The following ATG10 variants were observed in gnomAD, a reference collection of about 807,000 sequenced individuals.
The protein encoded by ATG10 is autophagy related 10, also known as ubiquitin-like-conjugating enzyme ATG10.
In ATG10, 30 loss-of-function variants were observed where a neutral mutation model predicts 32.1. The ratio of observed to expected loss-of-function variants is 0.94; its 90% CI spans 0.70 to 1.27. The LOEUF is 1.27. Ranked by LOEUF, ATG10 falls within the 50% of genes most tolerant of loss-of-function variation. ATG10 has a pLI of 0.00. For missense variants in ATG10, 233 were observed against 262.3 expected, an observed-to-expected ratio of 0.89 and a Z score of 0.77; for synonymous variants, 87 against 91.5, an observed-to-expected ratio of 0.95 and a Z score of 0.28.
At chr5:82,108,812 C>T (rs931547359) in intron 3 of ATG10, among the ~76,000 whole-genome samples, 5 of 151,878 alleles carry the variant, frequency 3.3e-5, no homozygotes, top group African/African-American at 4.8e-5. Flanking sequence ...ACTATGTGAC[C>T]AGGAAGCAGG....
chr5:82,109,365 G>A (rs921372040), intron 3 of ATG10, among the ~76,000 whole-genome samples: 24 of 151,954 alleles, frequency 1.6e-4, no homozygotes, highest in Non-Finnish European at 2.6e-4. Context: ...CTTTAGTTGG[G>A]CACTAAAATA....
intron 2 of ATG10, among the ~76,000 whole-genome samples, chr5:82,053,115 TG>T (rs940368496): frequency 5.5e-4 from 83 of 152,176 alleles, no homozygotes; most frequent in Non-Finnish European, 1.1e-3. Flanking sequence ...TGTATGAGAG[TG>T]CCTGCTTGTT....
chr5:82,243,650 T>TA (rs754799309), intron 5 of ATG10, among the ~76,000 whole-genome samples: 1 of 152,080 alleles, frequency 6.6e-6, no homozygotes, highest in Non-Finnish European at 1.5e-5. Flanking sequence ...AGCTTCCGGA[T>TA]ATATAAAGCA....
intron 2 of ATG10, among the ~76,000 whole-genome samples, chr5:82,006,938 C>T (rs921462445): frequency 1.3e-5 from 2 of 152,166 alleles, no homozygotes; most frequent in African/African-American, 4.8e-5. Flanking sequence ...ACTGCAACCT[C>T]TGCCTCCTAG....
chr5:82,246,065 A>G (rs1415911808), intron 5 of ATG10, among the ~76,000 whole-genome samples: 1 of 138,798 alleles, frequency 7.2e-6, no homozygotes, highest in East Asian at 2.4e-4. Context: ...ACAACTTAAT[A>G]CTGACCTTTT....
intron 2 of ATG10, among the ~76,000 whole-genome samples, chr5:81,993,413 C>CTTTTCTTTTCTTTTCTTTTCTT (rs1561244427): frequency 1.9e-5 from 2 of 106,720 alleles, no homozygotes; most frequent in Non-Finnish European, 3.8e-5. Context: ...CTTTTCTTTT[C>CTTTTCTTTTCTTTTCTTTTCTT]TTTTCTTTTC....
At chr5:82,016,800 TGCCTCA>T (rs1762298490) in intron 2 of ATG10, among the ~76,000 whole-genome samples, 1 of 152,032 alleles carries the variant, frequency 6.6e-6, no homozygotes, top group Admixed American at 6.6e-5. Context: ...ACCATTCTCC[TGCCTCA>T]GCCTCCCAAG....
chr5:82,019,183 T>C (rs1762371886), intron 2 of ATG10, among the ~76,000 whole-genome samples: 1 of 152,322 alleles, frequency 6.6e-6, no homozygotes, highest in Admixed American at 6.5e-5. Context: ...AGTATTCCTT[T>C]TTTATCCCTT....
chr5:82,027,398 C>CA (rs56832040), intron 2 of ATG10, among the ~76,000 whole-genome samples: 1 of 150,056 alleles, frequency 6.7e-6, no homozygotes, highest in African/African-American at 2.5e-5. Flanking sequence ...GACCCTGTCT[C>CA]AAAAAAAAGA....
At chr5:82,150,084 C>T (rs564248514) in intron 3 of ATG10, among the ~76,000 whole-genome samples, 5 of 152,166 alleles carry the variant, frequency 3.3e-5, no homozygotes, top group East Asian at 3.9e-4. Flanking sequence ...TTATGATACA[C>T]CTATTGCTGT....
chr5:82,135,476 C>T (rs569011255), intron 3 of ATG10, among the ~76,000 whole-genome samples: 5 of 152,218 alleles, frequency 3.3e-5, no homozygotes, highest in South Asian at 4.1e-4. Flanking sequence ...CCTTAATTTT[C>T]GTTATTTACC....
chr5:82,105,228 A>G (rs1319081027), intron 3 of ATG10, among the ~76,000 whole-genome samples: 1 of 152,140 alleles, frequency 6.6e-6, no homozygotes, highest in Non-Finnish European at 1.5e-5. Context: ...GCAATAAACC[A>G]CATCGTAAAT....
At chr5:82,110,829 A>G (rs922409326) in intron 3 of ATG10, among the ~76,000 whole-genome samples, 1 of 151,756 alleles carries the variant, frequency 6.6e-6, no homozygotes, top group Non-Finnish European at 1.5e-5. Context: ...TCAATTTTGT[A>G]TGCCTGTTAT....
chr5:81,990,395 A>G (rs1485500549), intron 2 of ATG10, among the ~76,000 whole-genome samples: 1 of 151,986 alleles, frequency 6.6e-6, no homozygotes, highest in African/African-American at 2.4e-5. Flanking sequence ...TAACCATTCC[A>G]TTACCTGGCA....
intron 2 of ATG10, among the ~76,000 whole-genome samples, chr5:82,043,025 G>A (rs1171676605): frequency 2.0e-5 from 3 of 152,150 alleles, no homozygotes; most frequent in African/African-American, 7.2e-5. Flanking sequence ...CTGTGTAGGG[G>A]CTCCAACCCC....
chr5:82,246,012 A>C (rs1747014045), intron 5 of ATG10, among the ~76,000 whole-genome samples: 1 of 152,038 alleles, frequency 6.6e-6, no homozygotes, highest in South Asian at 2.1e-4. Context: ...TGGGTTTCAC[A>C]TGCTCTCAAA....
chr5:82,137,162 C>G (rs1451416100), intron 3 of ATG10, among the ~76,000 whole-genome samples: 1 of 152,038 alleles, frequency 6.6e-6, no homozygotes, highest in Non-Finnish European at 1.5e-5. Flanking sequence ...GAACATGTTC[C>G]TTTGGCTTGG....
chr5:81,981,833 G>A (rs955000846), intron 1 of ATG10, among the ~76,000 whole-genome samples: 1 of 152,124 alleles, frequency 6.6e-6, no homozygotes, highest in African/African-American at 2.4e-5. Context: ...TAAACAGTAT[G>A]GAGAGTGGTA....
Position 82,178,570 on chromosome 5 carries a change from G to C in ATG10, c.436G>C (p.Asp146His), listed in dbSNP as rs1429698191. The change falls in exon 5 of 8, where the codon GAC becomes CAC. Residue 146 changes from aspartate to histidine, a missense_variant. Physicochemically the swap from Asp to His is moderately conservative, Grantham distance 81. Transcript: ENST00000282185. ...GATGCGACTGCTACAGGGACCATGG[G>C]ACACTATTACGCAACAGGTTGGAGA... ...YKMRLLQGPWDTITQQEHPIL... is the reference protein window; with the variant it reads ...YKMRLLQGPWHTITQQEHPIL... The C allele has an allele frequency of 2.5e-6, 4 of 1,609,434 alleles. No individual in the cohort carries two copies. The highest frequency in any genetic ancestry group is 3.4e-6 in the Non-Finnish European group (4 of 1,176,204).
Sources: gnomAD v4.1 joint callset for allele counts (sites outside exome capture counted in the v4.1 genomes callset) on GRCh38, gnomAD v4.1.1 for gene constraint, MANE v1.5 for transcripts, NCBI Gene and HGNC (gene_info 2026-07-23, HGNC 2026-07-21) for gene names.